Variants in HSPA4 observed in about 807,000 individuals in gnomAD.
HSPA4 encodes the protein heat shock 70 kDa protein 4.
In HSPA4, 25 loss-of-function variants were observed where a neutral mutation model predicts 106.2. The observed-to-expected ratio is 0.24, with a 90% CI of 0.17 to 0.33. The LOEUF (loss-of-function observed/expected upper bound fraction) is 0.33. Ranked by LOEUF, HSPA4 falls within the 10% of genes least tolerant of loss-of-function variation. The pLI is 1.00. For missense variants in HSPA4, 841 were observed against 996.0 expected, an observed-to-expected ratio of 0.84 and a Z score of 2.10; for synonymous variants, 332 against 333.6, an observed-to-expected ratio of 1.00 and a Z score of 0.05.
In HSPA4 at chr5:133,105,921, A is replaced by G. The variant is rs1036292099; in HGVS notation, c.*1485A>G. The G allele has an allele frequency of 6.6e-6, 1 of 151,814 alleles. No homozygotes were observed. Among genetic ancestry groups the G allele is most frequent in the African/African-American group, 2.4e-5 (1 of 41,290 alleles). The allele number at this position is 151,814 out of a possible 1,614,324, so 9.4% of individuals were successfully genotyped here. A position where few individuals can be genotyped will look rare whatever the true frequency, so the allele number is the denominator to read the frequency against. On this transcript the variant is annotated 3_prime_UTR_variant, in exon 19 of 19. Transcript: ENST00000304858. ...TGTGTAAGCATGCATGGAGGCCTCG[A>G]GGCACCACAACAAGGCCAGGTTCTT...
intron 13 of HSPA4, among the ~76,000 whole-genome samples, chr5:133,093,304 C>T (rs1227570097): frequency 1.3e-5 from 2 of 152,042 alleles, no homozygotes; most frequent in African/African-American, 4.8e-5. Flanking sequence ...TTTAAACTCT[C>T]TCCTGGTTGA....
intron 1 of HSPA4, 106 bp downstream of exon 1, chr5:133,052,463 G>A (rs1765093495): frequency 2.6e-6 from 2 of 768,650 alleles, no homozygotes; most frequent in South Asian, 1.8e-5. Flanking sequence ...AGTCGCCTCC[G>A]TTCCGAGCCG....
intron 3 of HSPA4, among the ~76,000 whole-genome samples, chr5:133,069,257 T>G (rs1358781117): frequency 6.6e-6 from 1 of 151,840 alleles, no homozygotes; most frequent in Admixed American, 6.6e-5. Context: ...ATTTAAAATT[T>G]TTTTTTTTTT....
chr5:133,076,442 G>T (rs963144156), intron 6 of HSPA4, among the ~76,000 whole-genome samples: 2 of 152,128 alleles, frequency 1.3e-5, no homozygotes, highest in Non-Finnish European at 1.5e-5. Context: ...CATCTGTCTA[G>T]GTCTGTAGCA....
At chr5:133,053,019 A>G (rs570768241) in intron 1 of HSPA4, 1 of 152,288 alleles carries the variant, frequency 6.6e-6, no homozygotes, top group African/African-American at 2.4e-5. Context: ...ATATTGTGCT[A>G]TATTGGGTCA....
chr5:133,103,796 C>G (rs759737789), intron 17 of HSPA4, 69 bp from the exon 18 acceptor site: 12 of 1,282,708 alleles, frequency 9.4e-6, no homozygotes, highest in East Asian at 7.1e-5. Context: ...ATGGCAGAAA[C>G]TAGACAGTAG....
Position 133,092,813 on chromosome 5 carries a change from T to TTG in HSPA4, c.1650+25_1650+26insGT, listed in dbSNP as rs1765663730. 7.3e-6 allele frequency: 4 copies of TTG among 550,254 alleles called. No homozygotes were observed. The African/African-American group carries it at 2.4e-4, about 32-fold the overall frequency. The allele number at this position is 550,254 out of a possible 1,614,324, so 34.1% of individuals were successfully genotyped here. ...AGGTATGCATTGGGTGGTGTTTTTT[T>TTG]TTTTTTTTTTTTTTTTTTTTTTTTT... On this transcript the variant is annotated intron_variant, in intron 13 of 18. Transcript: ENST00000304858.
intron 13 of HSPA4, 93 bp from the exon 14 acceptor site, chr5:133,096,005 A>G: frequency 9.1e-7 from 1 of 1,104,070 alleles, no homozygotes; most frequent in Non-Finnish European, 1.3e-6. Flanking sequence ...AGAACGAAGT[A>G]AAAAAAGCAA....
chr5:133,096,695 A>C (rs1178868258), intron 14 of HSPA4, among the ~76,000 whole-genome samples: 1 of 152,180 alleles, frequency 6.6e-6, no homozygotes, highest in East Asian at 1.9e-4. Flanking sequence ...TGAGTGATGC[A>C]AGGTTTGGGA....
chr5:133,064,485 A>G (rs1327579265), intron 1 of HSPA4, among the ~76,000 whole-genome samples: 18 of 151,954 alleles, frequency 1.2e-4, no homozygotes. Flanking sequence ...CTGCCTAGGC[A>G]ACAGAGTGAG....
chr5:133,060,552 G>A (rs1348821077), intron 1 of HSPA4, among the ~76,000 whole-genome samples: 2 of 151,972 alleles, frequency 1.3e-5, no homozygotes, highest in African/African-American at 4.8e-5. Context: ...TAGTAGAGAC[G>A]GGTTTCACCG....
chr5:133,067,406 C>A lies in HSPA4; in HGVS notation c.166-11C>A. ...AGTAGTCTTTCCACTCTTTGATATT[C>A]TTTCTCTTAGGTAATTTCTAATGCA... On this transcript the variant is annotated splice_polypyrimidine_tract_variant and intron_variant, in intron 2 of 18. Transcript: ENST00000304858. 1 of 1,598,978 alleles carries A rather than the reference C, an allele frequency of 6.3e-7. No homozygotes were observed. The highest frequency in any genetic ancestry group is 8.5e-7 in the Non-Finnish European group (1 of 1,172,888).
chr5:133,105,427 A>G lies in HSPA4; in HGVS notation c.*991A>G, dbSNP rs1309467308. ...TGTTAAGCAGCTGACAGATGATGCAAAAAAAACTAAGATACACTGGATTGT... is the reference window on the plus strand; with the variant it reads ...TGTTAAGCAGCTGACAGATGATGCAGAAAAAACTAAGATACACTGGATTGT... On this transcript the variant is annotated 3_prime_UTR_variant, in exon 19 of 19. Coordinates refer to ENST00000304858, the MANE Select transcript of HSPA4 (RefSeq NM_002154.4). 2.0e-5 allele frequency: 3 copies of G among 152,192 alleles called. No homozygotes were observed. The highest frequency in any genetic ancestry group is 7.2e-5 in the African/African-American group (3 of 41,440). 9.4% of individuals were successfully genotyped at this position (152,192 alleles called of 1,614,324 possible).
chr5:133,065,892 C>T (rs1043550087), intron 2 of HSPA4, among the ~76,000 whole-genome samples: 7 of 152,190 alleles, frequency 4.6e-5, no homozygotes, highest in Admixed American at 2.0e-4. Flanking sequence ...GTTTGACCTT[C>T]TTATGGTTCA....
At chr5:133,060,196 A>G (rs1269859773) in intron 1 of HSPA4, among the ~76,000 whole-genome samples, 1 of 151,294 alleles carries the variant, frequency 6.6e-6, no homozygotes, top group African/African-American at 2.4e-5. Context: ...TTTTCTTCAT[A>G]CTTGTCTGTT....
intron 1 of HSPA4, among the ~76,000 whole-genome samples, chr5:133,055,557 T>C (rs917099853): frequency 6.6e-6 from 1 of 152,140 alleles, no homozygotes; most frequent in Non-Finnish European, 1.5e-5. Context: ...CCACCCAATT[T>C]AGGCTTCCTT....
At chr5:133,077,246 T>A (rs1031890835) in intron 7 of HSPA4, among the ~76,000 whole-genome samples, 1 of 151,716 alleles carries the variant, frequency 6.6e-6, no homozygotes, top group Non-Finnish European at 1.5e-5. Flanking sequence ...AAATTGTAAT[T>A]TTTTTTTTGA....
intron 4 of HSPA4, among the ~76,000 whole-genome samples, chr5:133,071,429 C>T (rs1165412732): frequency 6.6e-6 from 1 of 151,986 alleles, no homozygotes; most frequent in Admixed American, 6.6e-5. Flanking sequence ...GCCTGGACAA[C>T]AGACTGAGAC....
intron 14 of HSPA4, among the ~76,000 whole-genome samples, chr5:133,096,584 T>C (rs1765714884): frequency 6.6e-6 from 1 of 152,212 alleles, no homozygotes; most frequent in Non-Finnish European, 1.5e-5. Context: ...TTGGTGGTCA[T>C]GGAAGTTATT....
Sources: allele counts gnomAD v4.1 joint callset (sites outside exome capture counted in the v4.1 genomes callset), GRCh38; gene constraint gnomAD v4.1.1; transcripts MANE v1.5; gene names NCBI Gene and HGNC (gene_info 2026-07-23, HGNC 2026-07-21).